PCM1: variants seen among roughly 807,000 people sequenced by gnomAD.
PCM1 encodes pericentriolar material 1.
A neutral mutation model predicts 241.9 loss-of-function variants in PCM1; 157 were observed. The ratio of observed to expected loss-of-function variants is 0.65; its 90% confidence interval spans 0.57 to 0.74. PCM1 has a LOEUF of 0.74. PCM1 is among the 30% of genes least tolerant of loss of function. PCM1 has a pLI of 0.00. For synonymous variants in PCM1, 1,085 were observed against 784.9 expected (o/e 1.38, Z -6.39); for missense variants, 3,478 against 2,360.1 (o/e 1.47, Z -9.81).
At chr8:17,942,744 C>T (rs1217891133) in intron 6 of PCM1, among the ~76,000 whole-genome samples, 1 of 151,954 alleles carries the variant, frequency 6.6e-6, no homozygotes, top group Non-Finnish European at 1.5e-5. Flanking sequence ...GCCTGTAATC[C>T]CAGCACTTTG....
At position 18,014,670 on chromosome 8, in the gene PCM1, T is replaced by A; in HGVS notation, c.5671T>A (p.Ser1891Thr). 1.2e-6 allele frequency: 2 copies of A among 1,613,254 alleles called. No individual in the cohort carries two copies. Among genetic ancestry groups the A allele is most frequent in the Non-Finnish European group, 1.7e-6 (2 of 1,179,584 alleles). The stretch of plus-strand genomic sequence containing the variant: ...TTTAAATAGTGCTGCCCATAAGGAG[T>A]CACCTCCTACTGTTGATTCAACTCA... ...QPLNSAAHKE[S>T]PPTVDSTQQP... The change falls in exon 36 of 39, where the codon TCA becomes ACA. Residue 1891 changes from serine to threonine, a missense_variant. Coordinates refer to ENST00000325083, the MANE Select transcript of PCM1 (RefSeq NM_006197.4).
chr8:17,949,847 G>A (rs1398364864), intron 7 of PCM1, among the ~76,000 whole-genome samples: 1 of 152,138 alleles, frequency 6.6e-6, no homozygotes, highest in Non-Finnish European at 1.5e-5. Context: ...TAAGGATGGA[G>A]TTATTTGTTA....
At chr8:17,969,428 T>C (rs1481700511) in intron 21 of PCM1, 149 bp from the exon 22 acceptor site, 1 of 620,182 alleles carries the variant, frequency 1.6e-6, no homozygotes, top group Non-Finnish European at 2.7e-6. Context: ...TGAACAGTGA[T>C]TGGATAAATA....
At chr8:17,998,050 A>T (rs1322545920) in intron 29 of PCM1, among the ~76,000 whole-genome samples, 1 of 151,764 alleles carries the variant, frequency 6.6e-6, no homozygotes, top group East Asian at 1.9e-4. Flanking sequence ...AAAAAAAAAA[A>T]AATTCTGAAT....
chr8:18,024,147 T>A (rs2093978940), intron 36 of PCM1, among the ~76,000 whole-genome samples: 1 of 152,166 alleles, frequency 6.6e-6, no homozygotes, highest in African/African-American at 2.4e-5. Context: ...TTTTGTTGGA[T>A]AGAACTAAAA....
At position 17,959,951 on chromosome 8, in the gene PCM1, A is replaced by C. The variant is rs937826861; in HGVS notation, c.2041-63A>C. On this transcript the variant is annotated intron_variant, in intron 13 of 38. Coordinates refer to ENST00000325083, the MANE Select transcript of PCM1 (RefSeq NM_006197.4). ...TTTTACAGACTAGTGGTATTTACTA[A>C]GGTATGAATTGGATAATGTCTTGAG... The C allele has an allele frequency of 2.7e-6, 4 of 1,462,510 alleles. No individual in the cohort carries two copies. In the African/African-American group the frequency reaches 5.6e-5, roughly 21 times the overall value. The allele number at this position is 1,462,510 out of a possible 1,614,324, so 90.6% of individuals were successfully genotyped here. A position where few individuals can be genotyped will look rare whatever the true frequency, so the allele number is the denominator to read the frequency against.
At chr8:18,025,838 T>C (rs998078804) in intron 38 of PCM1, among the ~76,000 whole-genome samples, 180 bp downstream of exon 38, 1 of 152,176 alleles carries the variant, frequency 6.6e-6, no homozygotes, top group Non-Finnish European at 1.5e-5. Flanking sequence ...TGTCAGATAA[T>C]TTTTTTCTAT....
At chr8:17,990,860 T>G (rs1169572278) in intron 27 of PCM1, among the ~76,000 whole-genome samples, 2 of 152,158 alleles carry the variant, frequency 1.3e-5, no homozygotes, top group African/African-American at 4.8e-5. Context: ...TTTTGCTTAT[T>G]GTAATTATTG....
In PCM1 at chr8:18,028,398, A is replaced by G. The variant is rs394923; in HGVS notation, c.*736A>G. 1.0e-5 allele frequency: 2 copies of G among 192,722 alleles called. No individual in the cohort carries two copies. The highest frequency in any genetic ancestry group is 4.7e-5 in the African/African-American group (2 of 42,996). The allele number at this position is 192,722 out of a possible 1,614,324, so 11.9% of individuals were successfully genotyped here. The stretch of plus-strand genomic sequence containing the variant: ...ACTAAAAGTAAAAAAAATAAGCTTT[A>G]TATAATTAGGGAGATTTCTGCACAG... On this transcript the variant is annotated 3_prime_UTR_variant, in exon 39 of 39. Coordinates refer to ENST00000325083, the MANE Select transcript of PCM1 (RefSeq NM_006197.4).
At chr8:18,009,418 A>AAT in intron 30 of PCM1, 129 bp from the exon 31 acceptor site, 1 of 639,796 alleles carries the variant, frequency 1.6e-6, no homozygotes, top group Non-Finnish European at 2.7e-6. Flanking sequence ...ATTCTTTAGT[A>AAT]ATACTAACAA....
At chr8:17,953,629 G>A (rs552704491) in intron 9 of PCM1, among the ~76,000 whole-genome samples, 2 of 151,992 alleles carry the variant, frequency 1.3e-5, no homozygotes, top group African/African-American at 2.4e-5. Context: ...TTTATATATG[G>A]TTTAGTCTAG....
intron 9 of PCM1, among the ~76,000 whole-genome samples, chr8:17,954,836 A>G (rs578090415): frequency 6.6e-6 from 1 of 152,344 alleles, no homozygotes; most frequent in Non-Finnish European, 1.5e-5. Context: ...TTCAAGGACC[A>G]TAGAGGATTA....
intron 29 of PCM1, among the ~76,000 whole-genome samples, chr8:18,001,960 G>A (rs1377440875): frequency 6.4e-5 from 8 of 125,734 alleles, no homozygotes; most frequent in Admixed American, 9.7e-5. Context: ...TTCCTAAATG[G>A]CCTTACTATC....
intron 36 of PCM1, 68 bp downstream of exon 36, chr8:18,014,908 T>G: frequency 1.5e-6 from 2 of 1,363,716 alleles, no homozygotes. Context: ...CATTTTCAGA[T>G]TAGCATTCTC....
chr8:17,925,650 A>G (rs144805026), intron 2 of PCM1: 1 of 152,394 alleles, frequency 6.6e-6, no homozygotes, highest in East Asian at 1.9e-4. Flanking sequence ...TCCGGCTAAC[A>G]TGGTGAAACC....
chr8:17,925,526 A>C (rs2056585309), intron 2 of PCM1: 1 of 152,240 alleles, frequency 6.6e-6, no homozygotes, highest in Non-Finnish European at 1.5e-5. Context: ...AATTTTAAGA[A>C]AGTTCATTTT....
intron 29 of PCM1, among the ~76,000 whole-genome samples, chr8:17,999,890 T>C (rs2088617866): frequency 6.6e-6 from 1 of 152,172 alleles, no homozygotes; most frequent in African/African-American, 2.4e-5. Context: ...ATAAAATGCC[T>C]ACTTAATGCC....
rs1564363046 is a variant in PCM1, at chr8:18,010,557, A to ATTATGTATCTAAGTATGTTGCTAAATTCC, written c.5161-24_5161-23insCTTATGTATCTAAGTATGTTGCTAAATTC. The ATTATGTATCTAAGTATGTTGCTAAATTCC allele has an allele frequency of 1.8e-5, 24 of 1,355,314 alleles. No individual in the cohort carries two copies. In the African/African-American group the frequency reaches 3.2e-4, roughly 18 times the overall value. 84.0% of individuals were successfully genotyped at this position (1,355,314 alleles called of 1,614,324 possible). A position where few individuals can be genotyped will look rare whatever the true frequency, so the allele number is the denominator to read the frequency against. On this transcript the variant is annotated intron_variant, in intron 31 of 38. Transcript: ENST00000325083. The stretch of plus-strand genomic sequence containing the variant: ...GAGGCTGAGACATGAGAAATGCTAA[A>ATTATGTATCTAAGTATGTTGCTAAATTCC]TTATGTATCTAAGTATGTTGCTAAA...
intron 23 of PCM1, among the ~76,000 whole-genome samples, chr8:17,978,890 G>C (rs2299598): frequency 6.6e-6 from 1 of 151,990 alleles, no homozygotes; most frequent in East Asian, 1.9e-4. Flanking sequence ...ATGATGATTT[G>C]TTACCAGGAA....
Sources: allele counts gnomAD v4.1 joint callset (sites outside exome capture counted in the v4.1 genomes callset), GRCh38; gene constraint gnomAD v4.1.1; transcripts MANE v1.5; gene names NCBI Gene and HGNC (gene_info 2026-07-23, HGNC 2026-07-21).